TDRD7: variants seen among roughly 807,000 people sequenced by gnomAD.
The protein encoded by TDRD7 is tudor domain-containing protein 7.
In TDRD7, 47 loss-of-function variants were observed where a neutral mutation model predicts 109.8. The observed-to-expected ratio is 0.43, with a 90% CI of 0.34 to 0.55. The LOEUF (loss-of-function observed/expected upper bound fraction) is 0.55, where lower values mean the gene tolerates loss of function less well. TDRD7 is among the 20% of genes least tolerant of loss of function. The pLI is 0.03. For missense variants in TDRD7, 1,164 were observed against 1,319.2 expected (o/e 0.88, Z 1.82); for synonymous variants, 424 against 457.3 (o/e 0.93, Z 0.93).
At chr9:97,494,707 T>C (rs1829365458) in intron 16 of TDRD7, among the ~76,000 whole-genome samples, 1 of 94,672 alleles carries the variant, frequency 1.1e-5, no homozygotes, top group Non-Finnish European at 2.3e-5. Context: ...TATATATATA[T>C]ATATATTTTT....
intron 6 of TDRD7, among the ~76,000 whole-genome samples, chr9:97,453,833 TCAA>T (rs1828552575): frequency 6.6e-6 from 1 of 151,998 alleles, no homozygotes; most frequent in Non-Finnish European, 1.5e-5. Flanking sequence ...AGGGAACAAT[TCAA>T]CAAGAAGAGC....
intron 6 of TDRD7, among the ~76,000 whole-genome samples, chr9:97,457,493 A>G (rs1828639343): frequency 6.6e-6 from 1 of 151,982 alleles, no homozygotes; most frequent in Non-Finnish European, 1.5e-5. Flanking sequence ...ATTCTCTTGC[A>G]TCAGCCTCCC....
chr9:97,445,784 AG>A (rs1253649136), intron 6 of TDRD7, among the ~76,000 whole-genome samples: 2 of 152,168 alleles, frequency 1.3e-5, no homozygotes, highest in Admixed American at 6.5e-5. Flanking sequence ...CTCAGCCTTG[AG>A]GTCACCCAGG....
chr9:97,483,475 C>T (rs1452396905), intron 15 of TDRD7, 124 bp downstream of exon 15: 1 of 1,184,152 alleles, frequency 8.4e-7, no homozygotes, highest in African/African-American at 1.5e-5. Flanking sequence ...GTGAAACAAA[C>T]ACAGTAATTT....
intron 1 of TDRD7, among the ~76,000 whole-genome samples, chr9:97,420,714 C>T (rs1203205273): frequency 1.3e-5 from 2 of 152,048 alleles, no homozygotes; most frequent in Admixed American, 6.5e-5. Flanking sequence ...GTTTGGGGGG[C>T]AATTATAAAT....
In TDRD7 at chr9:97,473,714, T is replaced by A. The variant is rs1587887706; in HGVS notation, c.2079+88T>A. 4 of 1,575,848 alleles carry A rather than the reference T, an allele frequency of 2.5e-6. No homozygotes were observed. The East Asian group carries it at 9.1e-5, about 36-fold the overall frequency. On this transcript the variant is annotated intron_variant, in intron 11 of 16. Transcript: ENST00000355295. ...TAAATTGCATAAGTATGAACAATTT[T>A]TTTTGTATGAACGATTTTTTAGTAG...
chr9:97,426,426 A>C, intron 1 of TDRD7, among the ~76,000 whole-genome samples: 1 of 151,840 alleles, frequency 6.6e-6, no homozygotes, highest in Middle Eastern at 3.2e-3. Context: ...TAATTTTTCT[A>C]TTTTTTGTAG....
intron 3 of TDRD7, among the ~76,000 whole-genome samples, chr9:97,431,680 C>G (rs186985389): frequency 6.6e-6 from 1 of 151,990 alleles, no homozygotes; most frequent in East Asian, 1.9e-4. Context: ...GACCCCAGAC[C>G]GCAAACAATG....
At chr9:97,441,358 ATTC>A (rs1828301452) in intron 5 of TDRD7, among the ~76,000 whole-genome samples, 1 of 152,156 alleles carries the variant, frequency 6.6e-6, no homozygotes, top group South Asian at 2.1e-4. Flanking sequence ...TAATTTAATT[ATTC>A]TTTATGTAGC....
intron 2 of TDRD7, among the ~76,000 whole-genome samples, chr9:97,429,056 T>C (rs547180485): frequency 1.7e-4 from 26 of 152,284 alleles, no homozygotes; most frequent in African/African-American, 6.3e-4. Flanking sequence ...ATAGACAGTT[T>C]TAAATTCTCA....
intron 1 of TDRD7, among the ~76,000 whole-genome samples, chr9:97,414,802 G>GT (rs1176597102): frequency 9.2e-5 from 14 of 152,284 alleles, no homozygotes; most frequent in Admixed American, 9.1e-4. Context: ...AATTGAAGTG[G>GT]TAACAGACTA....
At chr9:97,414,359 A>G (rs1268457800) in intron 1 of TDRD7, among the ~76,000 whole-genome samples, 1 of 152,266 alleles carries the variant, frequency 6.6e-6, no homozygotes, top group Admixed American at 6.5e-5. Context: ...TAAGCTTGGC[A>G]TTTTAGCCTG....
At chr9:97,470,527 G>A in intron 8 of TDRD7, 31 bp from the exon 9 acceptor site, 1 of 1,568,950 alleles carries the variant, frequency 6.4e-7, no homozygotes, top group East Asian at 2.2e-5. Context: ...AGAGGATAAA[G>A]AACTAAACAT....
At chr9:97,485,711 A>G (rs1311889135) in intron 15 of TDRD7, among the ~76,000 whole-genome samples, 1 of 152,236 alleles carries the variant, frequency 6.6e-6, no homozygotes, top group Non-Finnish European at 1.5e-5. Flanking sequence ...TTATTAGCCA[A>G]GTAATGTCCC....
intron 6 of TDRD7, 123 bp downstream of exon 6, chr9:97,441,998 T>C: frequency 1.3e-6 from 1 of 796,740 alleles, no homozygotes; most frequent in Non-Finnish European, 2.2e-6. Context: ...GTTACCTCAT[T>C]AATCTTTATC....
At chr9:97,478,316 A>T (rs1829058480) in intron 12 of TDRD7, 123 bp from the exon 13 acceptor site, 1 of 988,792 alleles carries the variant, frequency 1.0e-6, no homozygotes, top group Non-Finnish European at 1.5e-6. Flanking sequence ...TTAGGGGAAA[A>T]TTTTAACACT....
In TDRD7 at chr9:97,437,154, T is replaced by C. The variant is rs571814756; in HGVS notation, c.564-2091T>C. ...AGTTATTAGCTTACAACAAGACACA[T>C]TTTCTTACCTCATAGTTTCTGTGGG... On this transcript the variant is annotated intron_variant, in intron 4 of 16. Transcript: ENST00000355295. Among the ~76,000 whole-genome samples the C allele has an allele frequency of 5.3e-5, 8 of 152,272 alleles. No individual in the cohort carries two copies. In the South Asian group the frequency reaches 1.5e-3, roughly 28 times the overall value.
At chr9:97,420,815 T>G (rs1222778796) in intron 1 of TDRD7, among the ~76,000 whole-genome samples, 2 of 152,196 alleles carry the variant, frequency 1.3e-5, no homozygotes, top group Non-Finnish European at 2.9e-5. Flanking sequence ...CTGGGTTATA[T>G]AAGTGTATAC....
intron 16 of TDRD7, among the ~76,000 whole-genome samples, chr9:97,488,560 G>GTTTTTTTTTTTTTTTTTTTTTTTTT (rs61689126): frequency 4.3e-5 from 6 of 140,598 alleles, no homozygotes; most frequent in African/African-American, 7.9e-5. Context: ...AGATTTAATG[G>GTTTTTTTTTTTTTTTTTTTTTTTTT]TTTTTTTTTT....
Sources: allele counts gnomAD v4.1 joint callset (sites outside exome capture counted in the v4.1 genomes callset), GRCh38; gene constraint gnomAD v4.1.1; transcripts MANE v1.5; gene names NCBI Gene and HGNC (gene_info 2026-07-23, HGNC 2026-07-21).